Variants in DPYD observed in about 807,000 individuals in gnomAD.
The protein encoded by DPYD is dihydropyrimidine dehydrogenase [NADP(+)].
Under a neutral mutation model 116.2 loss-of-function variants are expected in DPYD, and 109 were observed. The observed-to-expected ratio is 0.94, with a 90% CI of 0.80 to 1.10. The LOEUF (loss-of-function observed/expected upper bound fraction) is 1.10. Among genes scored for constraint, DPYD ranks in the 50% least tolerant of loss-of-function variants. DPYD has a pLI of 0.00. For synonymous variants in DPYD, 440 were observed against 432.0 expected, an observed-to-expected ratio of 1.02 and a Z score of -0.23; for missense variants, 1,302 against 1,254.5, an observed-to-expected ratio of 1.04 and a Z score of -0.57.
At chr1:97,361,957 C>A (rs551320605) in intron 16 of DPYD, among the ~76,000 whole-genome samples, 54 of 152,204 alleles carry the variant, frequency 3.5e-4, no homozygotes, top group African/African-American at 1.3e-3. Context: ...TGGCCAGGGC[C>A]ATCAGGCAAG....
At chr1:97,573,037 C>T (rs1653007245) in intron 11 of DPYD, among the ~76,000 whole-genome samples, 1 of 151,890 alleles carries the variant, frequency 6.6e-6, no homozygotes, top group Non-Finnish European at 1.5e-5. Flanking sequence ...AGTTAATTGT[C>T]ATTTCAATAA....
At chr1:97,821,447 C>A in intron 3 of DPYD, among the ~76,000 whole-genome samples, 1 of 151,416 alleles carries the variant, frequency 6.6e-6, no homozygotes, top group Non-Finnish European at 1.5e-5. Flanking sequence ...GTAAAGAAAT[C>A]AAATCCCTTT....
At chr1:97,744,886 T>C (rs1664462320) in intron 3 of DPYD, among the ~76,000 whole-genome samples, 1 of 152,006 alleles carries the variant, frequency 6.6e-6, no homozygotes, top group East Asian at 1.9e-4. Context: ...GTGTCATACA[T>C]GTATGAGTTC....
chr1:97,583,106 C>G (rs1211032406), intron 10 of DPYD, among the ~76,000 whole-genome samples: 1 of 151,928 alleles, frequency 6.6e-6, no homozygotes, highest in Non-Finnish European at 1.5e-5. Context: ...GTAGCTGGGA[C>G]TACAGGCGCC....
chr1:97,910,147 A>G (rs552359780), intron 1 of DPYD, among the ~76,000 whole-genome samples: 1 of 152,132 alleles, frequency 6.6e-6, no homozygotes, highest in Non-Finnish European at 1.5e-5. Flanking sequence ...ATTTTTACAA[A>G]AGCTCATGAT....
intron 9 of DPYD, 146 bp from the exon 10 acceptor site, chr1:97,593,533 T>C (rs1654671592): frequency 6.7e-6 from 6 of 891,964 alleles, no homozygotes; most frequent in Middle Eastern, 3.2e-4. Context: ...TTCTGCTTCA[T>C]TGAAAGACAG....
intron 20 of DPYD, among the ~76,000 whole-genome samples, chr1:97,124,696 C>T (rs1652701265): frequency 6.6e-6 from 1 of 152,080 alleles, no homozygotes; most frequent in African/African-American, 2.4e-5. Context: ...AAGTTAGATG[C>T]TACTAAAATT....
At chr1:97,771,895 T>C (rs951095882) in intron 3 of DPYD, among the ~76,000 whole-genome samples, 3 of 152,164 alleles carry the variant, frequency 2.0e-5, no homozygotes, top group African/African-American at 7.2e-5. Flanking sequence ...AAATATATTA[T>C]AAAATATTAT....
intron 12 of DPYD, among the ~76,000 whole-genome samples, chr1:97,526,422 G>A (rs1312485432): frequency 1.3e-5 from 2 of 152,094 alleles, no homozygotes; most frequent in African/African-American, 4.8e-5. Context: ...AACACGTAGA[G>A]AGTTTTAAAA....
chr1:97,914,326 G>GA (rs1010301743), intron 1 of DPYD, among the ~76,000 whole-genome samples: 4 of 152,054 alleles, frequency 2.6e-5, no homozygotes, highest in African/African-American at 9.6e-5. Flanking sequence ...TAAAAGTTTA[G>GA]AAAAAAATTG....
At chr1:97,602,537 C>G (rs1655318629) in intron 8 of DPYD, among the ~76,000 whole-genome samples, 1 of 151,908 alleles carries the variant, frequency 6.6e-6, no homozygotes, top group Admixed American at 6.6e-5. Flanking sequence ...TGATTTAATA[C>G]AAACACAATG....
chr1:97,895,955 C>T (rs907581172), intron 1 of DPYD, among the ~76,000 whole-genome samples: 2 of 151,840 alleles, frequency 1.3e-5, no homozygotes, highest in Non-Finnish European at 1.5e-5. Flanking sequence ...AAATATCTCA[C>T]TTAAAATAAT....
At chr1:97,315,735 T>G (rs551824540) in intron 16 of DPYD, among the ~76,000 whole-genome samples, 2 of 152,114 alleles carry the variant, frequency 1.3e-5, no homozygotes, top group African/African-American at 4.8e-5. Context: ...TGAATTCTAG[T>G]TCTACCCTTG....
At chr1:97,193,350 G>C in intron 19 of DPYD, 102 bp from the exon 20 acceptor site, 1 of 1,269,424 alleles carries the variant, frequency 7.9e-7, no homozygotes, top group Non-Finnish European at 1.1e-6. Context: ...TATGTGCCAG[G>C]CACTGTTTGA....
intron 2 of DPYD, among the ~76,000 whole-genome samples, chr1:97,882,632 G>T (rs1043589939): frequency 6.6e-6 from 1 of 151,920 alleles, no homozygotes; most frequent in Admixed American, 6.6e-5. Context: ...CACCTTTAAG[G>T]TTGTACTTAT....
At chr1:97,873,096 G>A (rs760016626) in intron 2 of DPYD, among the ~76,000 whole-genome samples, 8 of 151,838 alleles carry the variant, frequency 5.3e-5, no homozygotes, top group African/African-American at 9.7e-5. Flanking sequence ...CTGTACTGAC[G>A]AAACTTGATC....
At chr1:97,712,421 A>AT (rs1030509130) in intron 5 of DPYD, among the ~76,000 whole-genome samples, 2 of 151,978 alleles carry the variant, frequency 1.3e-5, no homozygotes, top group East Asian at 1.9e-4. Flanking sequence ...CTCACCGTTG[A>AT]TTTTTTTATT....
intron 10 of DPYD, among the ~76,000 whole-genome samples, chr1:97,584,944 T>TGTAATA (rs1553200010): frequency 2.1e-5 from 3 of 146,052 alleles, no homozygotes; most frequent in African/African-American, 7.5e-5. Context: ...AAACTTAAAG[T>TGTAATA]ATAATAATAA....
At chr1:97,085,245 A>G (rs1343360978) in intron 21 of DPYD, among the ~76,000 whole-genome samples, 9 of 152,206 alleles carry the variant, frequency 5.9e-5, no homozygotes, top group African/African-American at 1.2e-4. Context: ...AAATATTCAA[A>G]TGATGATTAT....
Sources: gnomAD v4.1 joint callset for allele counts (sites outside exome capture counted in the v4.1 genomes callset) on GRCh38, gnomAD v4.1.1 for gene constraint, MANE v1.5 for transcripts, NCBI Gene and HGNC (gene_info 2026-07-23, HGNC 2026-07-21) for gene names.